The following AASS variants were observed in gnomAD, a reference collection of about 807,000 sequenced individuals.
AASS encodes alpha-aminoadipic semialdehyde synthase, mitochondrial.
In AASS, 86 loss-of-function variants were observed where a neutral mutation model predicts 105.4. That is an observed-to-expected ratio of 0.82 (90% CI 0.69 to 0.98). The LOEUF is 0.98. AASS is among the 50% of genes least tolerant of loss of function. The probability of loss-of-function intolerance (pLI) is 0.00; values close to 1 mark genes in which losing one functional copy is unlikely to be tolerated. For missense variants in AASS, 1,048 were observed against 1,143.2 expected, an observed-to-expected ratio of 0.92 and a Z score of 1.20; for synonymous variants, 381 against 394.8, an observed-to-expected ratio of 0.96 and a Z score of 0.41.
At chr7:122,138,315 T>C (rs1185938763) in intron 1 of AASS, among the ~76,000 whole-genome samples, 1 of 152,204 alleles carries the variant, frequency 6.6e-6, no homozygotes. Context: ...TTGAAATCTC[T>C]GATAGTCCCA....
chr7:122,079,461 A>G, intron 21 of AASS, 136 bp downstream of exon 21: 1 of 1,065,102 alleles, frequency 9.4e-7, no homozygotes, highest in Non-Finnish European at 1.4e-6. Context: ...TGAACATGGC[A>G]CATGGTAATC....
chr7:122,131,033 C>CAAAAAAAAAAAAAAAAAAAA (rs200717404), intron 2 of AASS, among the ~76,000 whole-genome samples: 1 of 88,518 alleles, frequency 1.1e-5, no homozygotes, highest in Non-Finnish European at 2.4e-5. Flanking sequence ...TTTATTTTTG[C>CAAAAAAAAAAAAAAAAAAAA]AAAAAAAAAA....
intron 21 of AASS, chr7:122,079,348 C>G: frequency 7.3e-7 from 1 of 1,371,712 alleles, no homozygotes; most frequent in Non-Finnish European, 9.4e-7. Flanking sequence ...GCAAAAATAC[C>G]CCACTATGCT....
In AASS at chr7:122,101,608, G is replaced by C; in HGVS notation, c.1338+13C>G. On this transcript the variant is annotated intron_variant, in intron 12 of 23. Coordinates refer to ENST00000417368, the MANE Select transcript of AASS (RefSeq NM_005763.4). ...AAATACATTTATGAAAAAATATTCT[G>C]CTCATAACTTACATCTCTCACCACA... The C allele has an allele frequency of 6.2e-7, 1 of 1,603,734 alleles. No homozygotes were observed. Among genetic ancestry groups the C allele is most frequent in the Non-Finnish European group, 8.5e-7 (1 of 1,171,386 alleles).
chr7:122,076,131 G>A lies in AASS; in HGVS notation c.*358C>T, dbSNP rs549494770. ...GGAGCTTGCAGTGAGCCGAGATCGCGCCACTGCACTCCAGCCTGGGTGACA... is the reference window on the plus strand; with the variant it reads ...GGAGCTTGCAGTGAGCCGAGATCGCACCACTGCACTCCAGCCTGGGTGACA... On this transcript the variant is annotated 3_prime_UTR_variant, in exon 24 of 24. Coordinates refer to ENST00000417368, the MANE Select transcript of AASS (RefSeq NM_005763.4). 21 of 232,968 alleles carry A rather than the reference G, an allele frequency of 9.0e-5. No individual in the cohort carries two copies. The highest frequency in any genetic ancestry group is 3.7e-4 in the East Asian group (3 of 8,142). The allele number at this position is 232,968 out of a possible 1,614,324, so 14.4% of individuals were successfully genotyped here.
At position 122,116,719 on chromosome 7, in the gene AASS, G is replaced by C; in HGVS notation, c.808C>G (p.His270Asp). 5 of 1,614,100 alleles carry C rather than the reference G, an allele frequency of 3.1e-6. No homozygotes were observed. Among genetic ancestry groups the C allele is most frequent in the Non-Finnish European group, 4.2e-6 (5 of 1,179,990 alleles). Residue 270 changes from histidine to aspartate, a missense_variant, in exon 8 of 24, where the codon CAT becomes GAT. Physicochemically the swap from His to Asp is moderately conservative, Grantham distance 81. Coordinates refer to ENST00000417368, the MANE Select transcript of AASS (RefSeq NM_005763.4). ...ACAGCATCTGTTTTCCTGACAAGAT[G>C]ATGATGACGACTTAACACCGTCCCA... ...VYGTVLSRHH[H>D]LVRKTDAVYD...
At position 122,101,666 on chromosome 7, in the gene AASS, C is replaced by T. The variant is rs34901960; in HGVS notation, c.1293G>A (p.Ala431=). The T allele has an allele frequency of 1.7e-3, 2,760 of 1,611,066 alleles. 42 individuals are homozygous for T. In the African/African-American group the frequency reaches 0.031, roughly 18 times the overall value. The change falls in exon 12 of 24, where the codon GCG becomes GCA. Residue 431 remains alanine (A), a synonymous_variant. Coordinates refer to ENST00000417368, the MANE Select transcript of AASS (RefSeq NM_005763.4). ...PYVEEMILSD[A]TQPLESQNFS... ...AATTCTGACTTTCAAGAGGCTGTGT[C>T]GCGTCTGATAATATCTGAAAGGAAA...
At chr7:122,133,088 C>T (rs1257072065) in intron 2 of AASS, among the ~76,000 whole-genome samples, 1 of 152,070 alleles carries the variant, frequency 6.6e-6, no homozygotes, top group Non-Finnish European at 1.5e-5. Context: ...CTGTGATCTA[C>T]TTTAAAATGG....
chr7:122,103,758 A>C (rs1562923805), intron 11 of AASS, among the ~76,000 whole-genome samples: 1 of 151,964 alleles, frequency 6.6e-6, no homozygotes, highest in Admixed American at 6.6e-5. Flanking sequence ...AGAAATATGA[A>C]TATATGTACA....
chr7:122,135,217 T>G (rs1796089483), intron 1 of AASS, among the ~76,000 whole-genome samples: 1 of 150,694 alleles, frequency 6.6e-6, no homozygotes. Flanking sequence ...GGCACATGTA[T>G]ACATCTGTAA....
At chr7:122,095,315 A>G (rs1217696116) in intron 15 of AASS, among the ~76,000 whole-genome samples, 1 of 152,132 alleles carries the variant, frequency 6.6e-6, no homozygotes, top group Non-Finnish European at 1.5e-5. Context: ...GTGGTATAAT[A>G]ATTTGGCTCT....
At chr7:122,130,469 G>A (rs1347714502) in intron 2 of AASS, among the ~76,000 whole-genome samples, 3 of 151,950 alleles carry the variant, frequency 2.0e-5, no homozygotes. Flanking sequence ...TAAATTACAT[G>A]TACTTTGCTA....
rs531589161 is a variant in AASS, at chr7:122,120,546, T to C, written c.473-1916A>G. Among the ~76,000 whole-genome samples the C allele has an allele frequency of 6.6e-4, 101 of 152,118 alleles. No individual in the cohort carries two copies. The Middle Eastern group carries it at 0.025, about 38-fold the overall frequency. On this transcript the variant is annotated intron_variant, in intron 4 of 23. Coordinates refer to ENST00000417368, the MANE Select transcript of AASS (RefSeq NM_005763.4). Reference sequence around the variant, plus strand: ...GATTTTCTCTATTCTTTTCCTGTTTTAGTTTGATTAATTTTCTCTGTATCT... The same window carrying C: ...GATTTTCTCTATTCTTTTCCTGTTTCAGTTTGATTAATTTTCTCTGTATCT...
At chr7:122,098,081 C>T (rs1794251750) in intron 15 of AASS, among the ~76,000 whole-genome samples, 1 of 151,904 alleles carries the variant, frequency 6.6e-6, no homozygotes, top group South Asian at 2.1e-4. Flanking sequence ...AAGAAGGAAG[C>T]CACAAATGAG....
intron 6 of AASS, among the ~76,000 whole-genome samples, 155 bp downstream of exon 6, chr7:122,118,149 TTAC>T (rs35432331): frequency 2.5e-3 from 378 of 152,100 alleles, no homozygotes; most frequent in Middle Eastern, 0.014. Flanking sequence ...ATTTAGATCA[TTAC>T]TACTTTTCAC....
Position 122,076,571 on chromosome 7 carries a change from G to A in AASS, c.2699C>T (p.Ser900Leu), listed in dbSNP as rs576013507. ...IGAKGLMGPF[S>L]KEIYGPILER... ...CAATATTGGTCCATAGATCTCCTTTGAAAAGGGCCCCATTAGGCCTTTGGC... is the reference window on the plus strand; with the variant it reads ...CAATATTGGTCCATAGATCTCCTTTAAAAAGGGCCCCATTAGGCCTTTGGC... The change falls in exon 24 of 24, where the codon TCA becomes TTA. Residue 900 changes from serine to leucine, a missense_variant. Ser to Leu is a moderately radical substitution (Grantham distance 145, BLOSUM62 -2). Transcript: ENST00000417368. The A allele has an allele frequency of 5.6e-5, 91 of 1,613,788 alleles. No homozygotes were observed. The South Asian group carries it at 9.1e-4, about 16-fold the overall frequency.
intron 2 of AASS, among the ~76,000 whole-genome samples, chr7:122,130,818 T>C (rs1795872967): frequency 6.6e-6 from 1 of 151,938 alleles, no homozygotes; most frequent in Admixed American, 6.5e-5. Context: ...AGTAGATTGG[T>C]AAATAAACCA....
intron 10 of AASS, 135 bp from the exon 11 acceptor site, chr7:122,113,364 A>C (rs1310369082): frequency 1.9e-5 from 19 of 1,015,126 alleles, no homozygotes; most frequent in Non-Finnish European, 2.8e-5. Context: ...GAAAATAAAC[A>C]AAACTTTTCA....
rs1792988042 is a variant in AASS, at chr7:122,076,062, T to A, written c.*427A>T. 6.1e-6 allele frequency: 1 copy of A among 164,400 alleles called. No individual in the cohort carries two copies. The highest frequency in any genetic ancestry group is 1.7e-4 in the East Asian group (1 of 5,768). The allele number at this position is 164,400 out of a possible 1,614,324, so 10.2% of individuals were successfully genotyped here. On this transcript the variant is annotated 3_prime_UTR_variant, in exon 24 of 24. Coordinates refer to ENST00000417368, the MANE Select transcript of AASS (RefSeq NM_005763.4). ...GGTGGCGGGTGCCTGTAGTCCCAGC[T>A]ACTTGGGAGGCTGAGGCAGGAGAAT...
Sources: allele counts gnomAD v4.1 joint callset (sites outside exome capture counted in the v4.1 genomes callset), GRCh38; gene constraint gnomAD v4.1.1; transcripts MANE v1.5; gene names NCBI Gene and HGNC (gene_info 2026-07-23, HGNC 2026-07-21).